The following PTPRD variants were observed in gnomAD, a reference collection of about 807,000 sequenced individuals.
PTPRD encodes protein tyrosine phosphatase receptor type D.
In PTPRD, 34 loss-of-function variants were observed where a neutral mutation model predicts 214.5. The ratio of observed to expected loss-of-function variants is 0.16; its 90% CI spans 0.12 to 0.21. PTPRD has a LOEUF of 0.21. Ranked by LOEUF, PTPRD falls within the 10% of genes least tolerant of loss-of-function variation. The pLI is 1.00. For synonymous variants in PTPRD, 1,128 were observed against 845.7 expected (o/e 1.33, Z -5.79); for missense variants, 2,545 against 2,398.7 (o/e 1.06, Z -1.27).
chr9:9,121,402 A>G (rs1028384489), intron 10 of PTPRD, among the ~76,000 whole-genome samples: 2 of 152,182 alleles, frequency 1.3e-5, no homozygotes, highest in African/African-American at 2.4e-5. Context: ...AAGTCACAAT[A>G]GGAAAATTGT....
At chr9:9,978,542 A>C (rs2095436811) in intron 4 of PTPRD, among the ~76,000 whole-genome samples, 2 of 152,094 alleles carry the variant, frequency 1.3e-5, no homozygotes, top group Non-Finnish European at 2.9e-5. Flanking sequence ...AAAATAAATA[A>C]AAAAGCAGAG....
intron 3 of PTPRD, among the ~76,000 whole-genome samples, chr9:10,293,624 G>C (rs149488055): frequency 1.3e-5 from 2 of 152,006 alleles, no homozygotes; most frequent in East Asian, 3.9e-4. Flanking sequence ...ATTATAAAGT[G>C]GGCAGTAACT....
intron 12 of PTPRD, among the ~76,000 whole-genome samples, chr9:8,691,421 GC>G (rs2097797840): frequency 6.6e-6 from 1 of 151,466 alleles, no homozygotes; most frequent in Middle Eastern, 3.4e-3. Context: ...ATAGAAGAGT[GC>G]TATTATCAAA....
chr9:9,988,431 C>T (rs1331713487), intron 4 of PTPRD, among the ~76,000 whole-genome samples: 1 of 152,130 alleles, frequency 6.6e-6, no homozygotes, highest in Non-Finnish European at 1.5e-5. Context: ...TCCAAGCATG[C>T]AGCTCAAACT....
At chr9:9,315,484 A>G (rs752666936) in intron 9 of PTPRD, among the ~76,000 whole-genome samples, 7 of 152,020 alleles carry the variant, frequency 4.6e-5, no homozygotes. Flanking sequence ...CCAATTCCAA[A>G]GTCTATGTTT....
intron 14 of PTPRD, among the ~76,000 whole-genome samples, chr9:8,546,796 T>C (rs769266361): frequency 2.6e-5 from 4 of 152,192 alleles, no homozygotes; most frequent in Non-Finnish European, 5.9e-5. Flanking sequence ...CCACCGCACC[T>C]GGCCATACTA....
At chr9:9,339,307 C>G (rs2045841513) in intron 9 of PTPRD, among the ~76,000 whole-genome samples, 1 of 148,032 alleles carries the variant, frequency 6.8e-6, no homozygotes, top group Non-Finnish European at 1.5e-5. Flanking sequence ...GAAACCCCAT[C>G]TCTACTAAAA....
At chr9:10,107,793 C>A (rs1591373529) in intron 3 of PTPRD, among the ~76,000 whole-genome samples, 1 of 152,062 alleles carries the variant, frequency 6.6e-6, no homozygotes, top group Admixed American at 6.6e-5. Context: ...GCAATGTCAA[C>A]TGCAATATGA....
intron 14 of PTPRD, among the ~76,000 whole-genome samples, chr9:8,618,527 C>A (rs968521504): frequency 4.0e-5 from 6 of 151,886 alleles, no homozygotes; most frequent in Non-Finnish European, 8.8e-5. Context: ...ATTCTCAGAC[C>A]AATGGTATGG....
intron 2 of PTPRD, among the ~76,000 whole-genome samples, chr9:10,454,054 G>A (rs113777173): frequency 0.012 from 1,828 of 151,612 alleles, 34 homozygotes; most frequent in African/African-American, 0.04. Flanking sequence ...GTATCCACCA[G>A]TTATTAATGC....
At chr9:10,415,569 C>T (rs1469922192) in intron 2 of PTPRD, among the ~76,000 whole-genome samples, 2 of 151,752 alleles carry the variant, frequency 1.3e-5, no homozygotes, top group African/African-American at 4.8e-5. Context: ...TTCTTGCTGT[C>T]CTTAAAGATA....
chr9:10,591,216 G>T (rs140378507), intron 2 of PTPRD, among the ~76,000 whole-genome samples: 52 of 151,454 alleles, frequency 3.4e-4, no homozygotes, highest in African/African-American at 1.0e-3. Flanking sequence ...TCTATTGCTT[G>T]TGCTTACTCC....
intron 2 of PTPRD, among the ~76,000 whole-genome samples, chr9:10,448,085 T>C (rs1320670731): frequency 6.6e-6 from 1 of 152,014 alleles, no homozygotes; most frequent in Non-Finnish European, 1.5e-5. Flanking sequence ...GAGCCCCAAA[T>C]ATAATTGAAT....
intron 11 of PTPRD, among the ~76,000 whole-genome samples, chr9:9,003,276 C>A (rs968239055): frequency 7.9e-5 from 12 of 151,976 alleles, no homozygotes; most frequent in Non-Finnish European, 1.0e-4. Context: ...CTCTATTGTT[C>A]TATGAGCAAC....
chr9:9,589,304 A>G (rs1441861450), intron 7 of PTPRD, among the ~76,000 whole-genome samples: 2 of 151,878 alleles, frequency 1.3e-5, no homozygotes, highest in Non-Finnish European at 2.9e-5. Flanking sequence ...GAAAATTTAG[A>G]TGTTCTTGGT....
At chr9:8,959,994 C>G (rs2099150569) in intron 11 of PTPRD, among the ~76,000 whole-genome samples, 2 of 151,994 alleles carry the variant, frequency 1.3e-5, no homozygotes, top group Non-Finnish European at 2.9e-5. Context: ...CATGTTCATT[C>G]ATTTACCAAG....
Position 8,433,815 on chromosome 9 carries a change from A to G in PTPRD, c.4086+2777T>C, listed in dbSNP as rs142480845. Among the ~76,000 whole-genome samples the G allele has an allele frequency of 1.7e-3, 262 of 152,320 alleles. 1 individual carries two copies. Among genetic ancestry groups the G allele is most frequent in the African/African-American group, 5.8e-3 (242 of 41,572 alleles). On this transcript the variant is annotated intron_variant, in intron 35 of 45. Coordinates refer to ENST00000381196, the MANE Select transcript of PTPRD (RefSeq NM_002839.4). ...TCTACTATTGAAATAAACTTTTAAA[A>G]TAAATTTGGTATAGCTTAAGTTTAT... is the stretch of plus-strand genomic sequence containing the variant.
At chr9:8,497,518 CAT>C (rs2136633248) in intron 25 of PTPRD, among the ~76,000 whole-genome samples, 1 of 152,296 alleles carries the variant, frequency 6.6e-6, no homozygotes, top group East Asian at 1.9e-4. Context: ...TTCACTGAAA[CAT>C]AGCAATGAGG....
At chr9:10,086,303 C>T (rs2098336974) in intron 3 of PTPRD, among the ~76,000 whole-genome samples, 1 of 151,702 alleles carries the variant, frequency 6.6e-6, no homozygotes, top group South Asian at 2.1e-4. Context: ...ACTATGCTGT[C>T]TGGGAGTCTG....
Sources: gnomAD v4.1 joint callset for allele counts (sites outside exome capture counted in the v4.1 genomes callset) on GRCh38, gnomAD v4.1.1 for gene constraint, MANE v1.5 for transcripts, NCBI Gene and HGNC (gene_info 2026-07-23, HGNC 2026-07-21) for gene names.